The following MYRIP variants were observed in gnomAD, a reference collection of about 807,000 sequenced individuals.
MYRIP encodes the protein myosin VIIA and Rab interacting protein.
A neutral mutation model predicts 98.0 loss-of-function variants in MYRIP; 49 were observed. The ratio of observed to expected loss-of-function variants is 0.50; its 90% CI spans 0.40 to 0.63. The LOEUF (loss-of-function observed/expected upper bound fraction) is 0.63. Among genes scored for constraint, MYRIP ranks in the 30% least tolerant of loss-of-function variants. The pLI, the probability that MYRIP is intolerant of heterozygous loss-of-function variation, is 0.00. For synonymous variants in MYRIP, 404 were observed against 409.5 expected (o/e 0.99, Z 0.16); for missense variants, 1,004 against 1,058.2 (o/e 0.95, Z 0.71).
intron 2 of MYRIP, among the ~76,000 whole-genome samples, chr3:39,953,187 T>C (rs1391234309): frequency 6.6e-6 from 1 of 152,022 alleles, no homozygotes; most frequent in Non-Finnish European, 1.5e-5. Context: ...CTGGCAGGTG[T>C]TGGGGATGTG....
At chr3:39,823,402 A>C (rs1260113753) in intron 1 of MYRIP, among the ~76,000 whole-genome samples, 1 of 152,132 alleles carries the variant, frequency 6.6e-6, no homozygotes, top group Non-Finnish European at 1.5e-5. Flanking sequence ...CAGTAGTTCT[A>C]CTTGTAGCTT....
intron 1 of MYRIP, 103 bp from the exon 2 acceptor site, chr3:39,900,684 C>A: frequency 1.7e-6 from 1 of 597,230 alleles, no homozygotes; most frequent in Non-Finnish European, 2.9e-6. Flanking sequence ...CTTACATAAA[C>A]ACTTACATAT....
At chr3:39,929,470 A>G (rs1458140528) in intron 2 of MYRIP, among the ~76,000 whole-genome samples, 1 of 152,118 alleles carries the variant, frequency 6.6e-6, no homozygotes, top group East Asian at 1.9e-4. Flanking sequence ...GGTCTAGTAT[A>G]TTTCAAGACA....
In MYRIP at chr3:40,025,060, C is replaced by G. The variant is rs556586258; in HGVS notation, c.111-18990C>G. The stretch of plus-strand genomic sequence containing the variant: ...GTTTAGAAGACTGAGTGGCTCATAG[C>G]TGTGAAGAACAGAGCTGGAGCCCTC... On this transcript the variant is annotated intron_variant, in intron 2 of 16. Coordinates refer to ENST00000302541, the MANE Select transcript of MYRIP (RefSeq NM_015460.4). 1.1e-4 allele frequency among the ~76,000 whole-genome samples: 16 copies of G among 152,280 alleles called. No individual in the cohort carries two copies. In the East Asian group the frequency reaches 3.1e-3, roughly 29 times the overall value.
intron 2 of MYRIP, among the ~76,000 whole-genome samples, chr3:39,953,298 A>C (rs899653816): frequency 6.6e-6 from 1 of 152,188 alleles, no homozygotes; most frequent in Non-Finnish European, 1.5e-5. Context: ...TCAACTTGTT[A>C]TGTGCCTTCG....
intron 1 of MYRIP, among the ~76,000 whole-genome samples, chr3:39,836,934 A>G (rs1941645657): frequency 1.3e-5 from 2 of 152,198 alleles, no homozygotes; most frequent in Non-Finnish European, 2.9e-5. Context: ...AAAGTTAGTT[A>G]ATGGAGGTAG....
chr3:39,883,015 A>C (rs1559508262), intron 1 of MYRIP, among the ~76,000 whole-genome samples: 1 of 152,186 alleles, frequency 6.6e-6, no homozygotes, highest in East Asian at 1.9e-4. Context: ...AGATAAAAAG[A>C]TACTGAAGAG....
At chr3:39,924,670 G>C (rs1944378285) in intron 2 of MYRIP, among the ~76,000 whole-genome samples, 1 of 151,906 alleles carries the variant, frequency 6.6e-6, no homozygotes, top group African/African-American at 2.4e-5. Flanking sequence ...CCCAACAACA[G>C]CAGAACTCAA....
chr3:40,192,298 T>G (rs1575613374), intron 10 of MYRIP, among the ~76,000 whole-genome samples: 1 of 88,056 alleles, frequency 1.1e-5, no homozygotes, highest in South Asian at 3.5e-4. Context: ...ACTGCGGCAG[T>G]TAGTTTTCTT....
intron 2 of MYRIP, among the ~76,000 whole-genome samples, chr3:39,976,856 T>C (rs1372097707): frequency 1.3e-5 from 2 of 152,014 alleles, no homozygotes; most frequent in East Asian, 3.9e-4. Context: ...TGAGAACACA[T>C]GGACACAGGA....
intron 2 of MYRIP, among the ~76,000 whole-genome samples, chr3:39,939,819 A>G (rs1944740945): frequency 6.6e-6 from 1 of 152,156 alleles, no homozygotes. Flanking sequence ...ACAGAAGCCA[A>G]TGTTCCAGTG....
Position 40,144,146 on chromosome 3 carries a change from C to G in MYRIP, c.333-6902C>G, listed in dbSNP as rs953644621. ...GAACAAACAAGAGAATTTGTTGGCT[C>G]ATATAATGGTAAAGTCCAGGGATTG... On this transcript the variant is annotated intron_variant, in intron 3 of 16. Coordinates refer to ENST00000302541, the MANE Select transcript of MYRIP (RefSeq NM_015460.4). 9.9e-5 allele frequency among the ~76,000 whole-genome samples: 15 copies of G among 152,184 alleles called. 1 individual carries two copies. Among genetic ancestry groups the G allele is most frequent in the Non-Finnish European group, 1.9e-4 (13 of 68,034 alleles).
chr3:39,810,557 A>C (rs1940642185), intron 1 of MYRIP: 1 of 152,296 alleles, frequency 6.6e-6, no homozygotes, highest in Non-Finnish European at 1.5e-5. Context: ...GTAGGGAGCC[A>C]ATCCCAGGGG....
chr3:40,110,920 GTGTGTGT>G (rs1949145519), intron 3 of MYRIP, among the ~76,000 whole-genome samples: 1 of 96,252 alleles, frequency 1.0e-5, no homozygotes, highest in East Asian at 3.6e-4. Flanking sequence ...GTGTGTGTGT[GTGTGTGT>G]AGCGTACTCA....
intron 2 of MYRIP, among the ~76,000 whole-genome samples, chr3:40,011,694 C>T (rs1053104256): frequency 1.3e-5 from 2 of 152,028 alleles, no homozygotes; most frequent in Admixed American, 6.5e-5. Context: ...TTTAATGAAC[C>T]AATTTGACAG....
At chr3:40,201,692 T>C (rs147058013) in intron 10 of MYRIP, among the ~76,000 whole-genome samples, 3 of 152,142 alleles carry the variant, frequency 2.0e-5, no homozygotes, top group African/African-American at 7.2e-5. Flanking sequence ...ATAATATTAA[T>C]TTCTATGAGA....
chr3:40,094,288 C>T (rs1187314244), intron 3 of MYRIP, among the ~76,000 whole-genome samples: 1 of 152,200 alleles, frequency 6.6e-6, no homozygotes, highest in African/African-American at 2.4e-5. Flanking sequence ...CCCTATGAAA[C>T]AAGACTGTTA....
At chr3:40,229,368 A>G (rs1051980998) in intron 11 of MYRIP, among the ~76,000 whole-genome samples, 27 of 152,226 alleles carry the variant, frequency 1.8e-4, no homozygotes, top group African/African-American at 6.3e-4. Flanking sequence ...CCTAGAGGAA[A>G]AAAACGATAG....
At chr3:39,914,087 G>C (rs1487987422) in intron 2 of MYRIP, among the ~76,000 whole-genome samples, 1 of 152,168 alleles carries the variant, frequency 6.6e-6, no homozygotes, top group African/African-American at 2.4e-5. Context: ...TTCTAGAACA[G>C]ACATACAAGA....
Sources: allele counts gnomAD v4.1 joint callset (sites outside exome capture counted in the v4.1 genomes callset), GRCh38; gene constraint gnomAD v4.1.1; transcripts MANE v1.5; gene names NCBI Gene and HGNC (gene_info 2026-07-23, HGNC 2026-07-21).